Variants in SKAP1 observed in about 807,000 individuals in gnomAD.
SKAP1 encodes the protein src kinase-associated phosphoprotein 1.
In SKAP1, 44 loss-of-function variants were observed where a neutral mutation model predicts 58.5. The ratio of observed to expected loss-of-function variants is 0.75; its 90% CI spans 0.59 to 0.97. The LOEUF (loss-of-function observed/expected upper bound fraction) is 0.97, where lower values mean the gene tolerates loss of function less well. Among genes scored for constraint, SKAP1 ranks in the 50% least tolerant of loss-of-function variants. The pLI, the probability that SKAP1 is intolerant of heterozygous loss-of-function variation, is 0.00. For missense variants in SKAP1, 390 were observed against 435.2 expected (o/e 0.90, Z 0.92); for synonymous variants, 127 against 149.7 (o/e 0.85, Z 1.11).
At chr17:48,277,879 C>T (rs756104620) in intron 4 of SKAP1, among the ~76,000 whole-genome samples, 1 of 152,090 alleles carries the variant, frequency 6.6e-6, no homozygotes, top group Non-Finnish European at 1.5e-5. Flanking sequence ...CAGGCTTGGG[C>T]ATCACTGTGC....
intron 4 of SKAP1, among the ~76,000 whole-genome samples, chr17:48,242,737 T>C (rs2065255995): frequency 6.6e-6 from 1 of 152,172 alleles, no homozygotes; most frequent in Non-Finnish European, 1.5e-5. Flanking sequence ...CCTTTGTTAA[T>C]AGGAAGGCCA....
At chr17:48,212,297 TAA>T (rs1391268360) in intron 4 of SKAP1, among the ~76,000 whole-genome samples, 4 of 152,084 alleles carry the variant, frequency 2.6e-5, no homozygotes, top group Non-Finnish European at 5.9e-5. Flanking sequence ...AGGCCTCAAA[TAA>T]ATGAAGTGTT....
intron 4 of SKAP1, among the ~76,000 whole-genome samples, chr17:48,250,276 T>TG (rs749956271): frequency 0.27 from 16,680 of 61,696 alleles, 2,672 homozygotes; most frequent in South Asian, 0.46. Context: ...TAGACAGTTT[T>TG]TTTTTTTTTT....
intron 6 of SKAP1, among the ~76,000 whole-genome samples, chr17:48,187,396 C>T (rs959164364): frequency 2.6e-5 from 4 of 152,206 alleles, no homozygotes; most frequent in Non-Finnish European, 5.9e-5. Context: ...TACTTACTTA[C>T]TAGCAGTCAT....
intron 10 of SKAP1, among the ~76,000 whole-genome samples, chr17:48,169,933 G>A (rs1278860605): frequency 6.6e-6 from 1 of 152,164 alleles, no homozygotes; most frequent in East Asian, 1.9e-4. Context: ...CCCTTGCAAT[G>A]TGCAGCATTC....
chr17:48,139,290 T>C (rs546734457), intron 11 of SKAP1, among the ~76,000 whole-genome samples: 2 of 142,106 alleles, frequency 1.4e-5, no homozygotes, highest in South Asian at 2.5e-4. Flanking sequence ...CAAGCGATTC[T>C]TCTGCTTCAG....
At chr17:48,306,103 C>T (rs761702144) in intron 4 of SKAP1, among the ~76,000 whole-genome samples, 4 of 152,188 alleles carry the variant, frequency 2.6e-5, no homozygotes, top group Non-Finnish European at 5.9e-5. Flanking sequence ...GAGGCCTCTA[C>T]AACTCAAATC....
intron 2 of SKAP1, among the ~76,000 whole-genome samples, chr17:48,371,262 C>A (rs1345865079): frequency 6.6e-6 from 1 of 152,092 alleles, no homozygotes; most frequent in Non-Finnish European, 1.5e-5. Context: ...TGCACATGTA[C>A]CCCCTGTGTC....
At chr17:48,360,477 T>C (rs1190312934) in intron 3 of SKAP1, among the ~76,000 whole-genome samples, 1 of 152,124 alleles carries the variant, frequency 6.6e-6, no homozygotes. Flanking sequence ...TATTGATTAC[T>C]GAAATTATAA....
At position 48,301,720 on chromosome 17, in the gene SKAP1, G is replaced by A. The variant is rs1047564068; in HGVS notation, c.280+44185C>T. On this transcript the variant is annotated intron_variant, in intron 4 of 12. Coordinates refer to ENST00000336915, the MANE Select transcript of SKAP1 (RefSeq NM_003726.4). Reference sequence around the variant, plus strand: ...TTGAACTCCTGACCTCAGCTGATCCGCCCACCTTGGCCTCCCAAAGTGCTG... The same window carrying A: ...TTGAACTCCTGACCTCAGCTGATCCACCCACCTTGGCCTCCCAAAGTGCTG... Among the ~76,000 whole-genome samples, 8 of 152,106 alleles carry A rather than the reference G, an allele frequency of 5.3e-5. No individual in the cohort carries two copies. The East Asian group carries it at 1.4e-3, about 26-fold the overall frequency.
At chr17:48,286,289 T>A (rs976877851) in intron 4 of SKAP1, among the ~76,000 whole-genome samples, 2 of 152,192 alleles carry the variant, frequency 1.3e-5, no homozygotes, top group Non-Finnish European at 2.9e-5. Flanking sequence ...GGGATGCATA[T>A]AAGAAATGTG....
chr17:48,204,976 T>C (rs2064779488), intron 4 of SKAP1, among the ~76,000 whole-genome samples: 1 of 40,100 alleles, frequency 2.5e-5, no homozygotes, highest in Non-Finnish European at 4.6e-5. Flanking sequence ...TCTTTTCTTT[T>C]CTTTCTTTCT....
chr17:48,338,166 TCAGA>T (rs1307664670), intron 4 of SKAP1, among the ~76,000 whole-genome samples: 4 of 151,926 alleles, frequency 2.6e-5, no homozygotes, highest in South Asian at 2.1e-4. Context: ...TTCTTTCTTT[TCAGA>T]CAGAGTTTCA....
At chr17:48,396,538 G>T in intron 2 of SKAP1, 142 bp downstream of exon 2, 1 of 510,068 alleles carries the variant, frequency 2.0e-6, no homozygotes, top group East Asian at 3.2e-5. Context: ...CCTGCCTCCA[G>T]TTCAATTCAG....
chr17:48,242,832 C>A (rs1214950938), intron 4 of SKAP1, among the ~76,000 whole-genome samples: 1 of 152,196 alleles, frequency 6.6e-6, no homozygotes, highest in Non-Finnish European at 1.5e-5. Context: ...AAATTATTCT[C>A]AGGAACCACA....
intron 4 of SKAP1, among the ~76,000 whole-genome samples, chr17:48,204,904 T>C (rs2064773777): frequency 6.6e-6 from 1 of 152,092 alleles, no homozygotes; most frequent in Non-Finnish European, 1.5e-5. Flanking sequence ...ATGGTAGAAA[T>C]ACTTGTCAAG....
At chr17:48,205,176 C>T (rs2064794121) in intron 4 of SKAP1, among the ~76,000 whole-genome samples, 2 of 150,468 alleles carry the variant, frequency 1.3e-5, no homozygotes, top group Non-Finnish European at 1.5e-5. Context: ...GTGGCTTGAT[C>T]TTGGTTCACT....
chr17:48,146,978 A>G (rs1429677819), intron 11 of SKAP1, among the ~76,000 whole-genome samples: 1 of 152,182 alleles, frequency 6.6e-6, no homozygotes, highest in Non-Finnish European at 1.5e-5. Context: ...GTCTTCTCAC[A>G]GTTTCCATTC....
rs558802996 is a variant in SKAP1 at position 48,142,795 on chromosome 17, C to T, written c.979-5458G>A. Among the ~76,000 whole-genome samples, 98 of 152,140 alleles carry T rather than the reference C, an allele frequency of 6.4e-4. 1 individual carries two copies. The highest frequency in any genetic ancestry group is 2.5e-3 in the East Asian group (13 of 5,156). ...TGTCTGTCTGCCACCTCTTCCTACACCACACCTTCTTTTCTTGTTTTGTTT... is the reference window on the plus strand; with the variant it reads ...TGTCTGTCTGCCACCTCTTCCTACATCACACCTTCTTTTCTTGTTTTGTTT... On this transcript the variant is annotated intron_variant, in intron 11 of 12. Transcript: ENST00000336915.
Sources: gnomAD v4.1 joint callset for allele counts (sites outside exome capture counted in the v4.1 genomes callset) on GRCh38, gnomAD v4.1.1 for gene constraint, MANE v1.5 for transcripts, NCBI Gene and HGNC (gene_info 2026-07-23, HGNC 2026-07-21) for gene names.